Variants in STK33 observed in about 807,000 individuals in gnomAD.
The protein encoded by STK33 is serine/threonine kinase 33.
A neutral mutation model predicts 58.0 loss-of-function variants in STK33; 52 were observed. That is an observed-to-expected ratio of 0.90 (90% confidence interval 0.72 to 1.13). The LOEUF is 1.13. Among genes scored for constraint, STK33 ranks in the 50% most tolerant of loss-of-function variants. The probability of loss-of-function intolerance (pLI) is 0.00; values close to 1 mark genes in which losing one functional copy is unlikely to be tolerated. For synonymous variants in STK33, 215 were observed against 200.1 expected (o/e 1.07, Z -0.63); for missense variants, 630 against 604.2 (o/e 1.04, Z -0.45).
chr11:8,591,017 G>A (rs539851259), intron 1 of STK33, among the ~76,000 whole-genome samples: 1 of 152,166 alleles, frequency 6.6e-6, no homozygotes, highest in Non-Finnish European at 1.5e-5. Context: ...ATGAATAAAA[G>A]TAGAAAATAG....
intron 11 of STK33, among the ~76,000 whole-genome samples, chr11:8,451,276 G>A (rs542813752): frequency 3.3e-5 from 5 of 152,208 alleles, no homozygotes; most frequent in African/African-American, 1.2e-4. Flanking sequence ...ACAAAGACCT[G>A]TACATGAATA....
intron 14 of STK33, among the ~76,000 whole-genome samples, chr11:8,416,849 T>C (rs1371531600): frequency 6.6e-6 from 1 of 152,186 alleles, no homozygotes; most frequent in Non-Finnish European, 1.5e-5. Context: ...ACTTGTGATA[T>C]CAAGCCTGGA....
chr11:8,512,737 A>AC (rs1952438913), intron 1 of STK33, among the ~76,000 whole-genome samples: 1 of 152,114 alleles, frequency 6.6e-6, no homozygotes, highest in African/African-American at 2.4e-5. Context: ...TTCTTCTTGC[A>AC]CAAGCTTGTT....
chr11:8,580,496 G>A (rs1347277343), intron 1 of STK33, among the ~76,000 whole-genome samples: 3 of 151,954 alleles, frequency 2.0e-5, no homozygotes, highest in Non-Finnish European at 2.9e-5. Context: ...GAGGGGGAAG[G>A]GGGAGGGGGA....
chr11:8,458,767 G>C (rs1314671843), intron 8 of STK33, among the ~76,000 whole-genome samples: 2 of 151,962 alleles, frequency 1.3e-5, no homozygotes, highest in African/African-American at 4.8e-5. Flanking sequence ...TCAAACACAG[G>C]GTACCCTTTA....
At chr11:8,502,356 G>C (rs1951580220) in intron 1 of STK33, among the ~76,000 whole-genome samples, 1 of 152,002 alleles carries the variant, frequency 6.6e-6, no homozygotes, top group South Asian at 2.1e-4. Context: ...TCAAATCTTT[G>C]ACAAAGCTGA....
intron 14 of STK33, among the ~76,000 whole-genome samples, chr11:8,430,925 G>A (rs1943349084): frequency 6.8e-6 from 1 of 147,030 alleles, no homozygotes; most frequent in South Asian, 2.1e-4. Context: ...GGAGTGCAGT[G>A]GTGCGATCTT....
At chr11:8,508,126 G>A (rs111767815) in intron 1 of STK33, among the ~76,000 whole-genome samples, 13,645 of 151,934 alleles carry the variant, frequency 0.09, 1,395 homozygotes, top group African/African-American at 0.26. Flanking sequence ...CCTGACCTCA[G>A]GTGATCTGCC....
the STK33 span, among the ~76,000 whole-genome samples, chr11:8,354,290 C>T: frequency 2.6e-5 from 4 of 152,042 alleles, no homozygotes; most frequent in East Asian, 1.9e-4. Context: ...ACCCCACCTC[C>T]GCTCTCACCC....
chr11:8,412,183 AGTAT>A (rs1478795188), intron 15 of STK33, among the ~76,000 whole-genome samples: 1 of 152,184 alleles, frequency 6.6e-6, no homozygotes, highest in Non-Finnish European at 1.5e-5. Context: ...TGTGTGCATA[AGTAT>A]GTATATCTGT....
At chr11:8,523,081 C>T (rs1025210448) in intron 1 of STK33, among the ~76,000 whole-genome samples, 23 of 152,238 alleles carry the variant, frequency 1.5e-4, no homozygotes, top group Non-Finnish European at 2.5e-4. Flanking sequence ...GACGGAGTCT[C>T]GCTCACTCAG....
intron 14 of STK33, among the ~76,000 whole-genome samples, chr11:8,416,386 T>C (rs1941128427): frequency 6.6e-6 from 1 of 152,096 alleles, no homozygotes; most frequent in Non-Finnish European, 1.5e-5. Flanking sequence ...ATTTCTAACA[T>C]TCTAAATTAC....
At chr11:8,451,653 T>C (rs1946293685) in intron 11 of STK33, among the ~76,000 whole-genome samples, 1 of 152,202 alleles carries the variant, frequency 6.6e-6, no homozygotes, top group African/African-American at 2.4e-5. Flanking sequence ...TTGGAGTAGA[T>C]TTGTTTTGAA....
chr11:8,440,587 A>C, intron 12 of STK33, 91 bp downstream of exon 12: 1 of 1,131,376 alleles, frequency 8.8e-7, no homozygotes, highest in Non-Finnish European at 1.2e-6. Flanking sequence ...ACTTTTTAAA[A>C]ATATATATTA....
At chr11:8,463,846 G>A (rs1427072229) in intron 7 of STK33, among the ~76,000 whole-genome samples, 2 of 152,052 alleles carry the variant, frequency 1.3e-5, no homozygotes, top group Non-Finnish European at 2.9e-5. Flanking sequence ...AACACCAAAG[G>A]AGAAAAGGAA....
chr11:8,547,373 C>T (rs1471997818), intron 1 of STK33, among the ~76,000 whole-genome samples: 1 of 152,122 alleles, frequency 6.6e-6, no homozygotes, highest in African/African-American at 2.4e-5. Flanking sequence ...CGCCACCACG[C>T]CTGGCTAATT....
At chr11:8,467,206 TCTC>T (rs1326797596) in intron 6 of STK33, 1 of 152,230 alleles carries the variant, frequency 6.6e-6, no homozygotes, top group African/African-American at 2.4e-5. Context: ...AGCTTGAATT[TCTC>T]CTCAGAAAAT....
chr11:8,482,761 G>A (rs1237968661), intron 1 of STK33, among the ~76,000 whole-genome samples: 3 of 150,718 alleles, frequency 2.0e-5, no homozygotes, highest in East Asian at 3.9e-4. Flanking sequence ...ACAGAGTCTC[G>A]ATCTGTCACC....
intron 1 of STK33, among the ~76,000 whole-genome samples, chr11:8,514,395 G>C (rs552550580): frequency 3.9e-5 from 6 of 151,956 alleles, no homozygotes; most frequent in Middle Eastern, 3.2e-3. Context: ...CCACTCTATG[G>C]GGGAAAAAAA....
Sources: allele counts gnomAD v4.1 joint callset (sites outside exome capture counted in the v4.1 genomes callset), GRCh38; gene constraint gnomAD v4.1.1; transcripts MANE v1.5; gene names NCBI Gene and HGNC (gene_info 2026-07-23, HGNC 2026-07-21).